Variants in SPANXN1 observed in about 807,000 individuals in gnomAD.
The protein encoded by SPANXN1 is sperm protein associated with the nucleus on the X chromosome N1.
In SPANXN1, 1 loss-of-function variant was observed where a neutral mutation model predicts 2.0. The observed-to-expected ratio is 0.50, with a 90% CI of 0.18 to 2.36. The LOEUF (loss-of-function observed/expected upper bound fraction) is 2.36, where lower values mean the gene tolerates loss of function less well. Ranked by LOEUF, SPANXN1 falls within the 30% of genes most tolerant of loss-of-function variation. The pLI, the probability that SPANXN1 is intolerant of heterozygous loss-of-function variation, is 0.26. For missense variants in SPANXN1, 55 were observed against 51.8 expected (o/e 1.06, Z -0.19); for synonymous variants, 27 against 21.3 (o/e 1.27, Z -0.74).
Position 145,255,697 on chromosome X carries a change from A to C in SPANXN1, c.102A>C (p.Leu34Phe). The C allele has an allele frequency of 8.2e-7, 1 of 1,212,164 alleles. No individual in the cohort carries two copies. The highest frequency in any genetic ancestry group is 1.1e-6 in the Non-Finnish European group (1 of 895,615). Residue 34 changes from leucine (L) to phenylalanine (F), a missense_variant, in exon 2 of 2, where the codon TTA becomes TTC. Coordinates refer to ENST00000370493, the MANE Select transcript of SPANXN1 (RefSeq NM_001009614.3). The part of the protein sequence containing the change: ...DEMQETPNRD[L>F]APEPSLKKMK... ...TGCAGGAGACACCAAACAGGGACTT[A>C]GCCCCCGAACCGAGTTTGAAAAAGA...
At chrX:145,254,127 C>A (rs2070797658) in intron 1 of SPANXN1, among the ~76,000 whole-genome samples, 1 of 100,836 alleles carries the variant, frequency 9.9e-6, no homozygotes, top group Non-Finnish European at 2.0e-5. Context: ...TGGGAGTGGG[C>A]AGGAGGCAGA....
At chrX:145,249,059 T>TG (rs2070774349) in intron 1 of SPANXN1, among the ~76,000 whole-genome samples, 1 of 110,644 alleles carries the variant, frequency 9.0e-6, no homozygotes, top group Admixed American at 9.6e-5. Context: ...TTTAATGGAT[T>TG]GGGGGGAAAG....
intron 1 of SPANXN1, among the ~76,000 whole-genome samples, chrX:145,251,082 T>G (rs1246119022): frequency 1.8e-5 from 2 of 111,928 alleles, no homozygotes; most frequent in African/African-American, 3.3e-5. Context: ...GAGTTTATTT[T>G]CAGCAATGAT....
intron 1 of SPANXN1, among the ~76,000 whole-genome samples, chrX:145,252,034 T>C (rs144553487): frequency 0.022 from 2,430 of 111,127 alleles, 21 homozygotes; most frequent in Middle Eastern, 0.051. Context: ...GAGTGGTGTG[T>C]TGAATGGACA....
chrX:145,254,673 T>C (rs1475637589), intron 1 of SPANXN1, among the ~76,000 whole-genome samples: 2 of 111,855 alleles, frequency 1.8e-5, no homozygotes, highest in Non-Finnish European at 3.8e-5. Flanking sequence ...CACTTGATTG[T>C]TTTTTGGAGA....
intron 1 of SPANXN1, among the ~76,000 whole-genome samples, chrX:145,251,698 GTTTT>G (rs1569479991): frequency 9.0e-6 from 1 of 111,722 alleles, no homozygotes; most frequent in Non-Finnish European, 1.9e-5. Context: ...TTTGGTTTTG[GTTTT>G]TTGTTTTGTT....
rs1192693687 is a variant in SPANXN1 at position 145,255,990 on chromosome X, A to G, written c.*176A>G. 17 of 872,311 alleles carry G rather than the reference A, an allele frequency of 1.9e-5. No homozygotes were observed. The highest frequency in any genetic ancestry group is 2.3e-5 in the Non-Finnish European group (14 of 598,417). The allele number at this position is 872,311 out of a possible 1,213,427, so 71.9% of individuals were successfully genotyped here. On this transcript the variant is annotated 3_prime_UTR_variant, in exon 2 of 2. Transcript: ENST00000370493. ...GAAGGATCTTCAAAGCAGAATGAAG[A>G]CCTAGGCTTACCTGAAGGATCTTCA...
At chrX:145,248,389 G>C (rs1293481500) in intron 1 of SPANXN1, among the ~76,000 whole-genome samples, 1 of 111,380 alleles carries the variant, frequency 9.0e-6, no homozygotes, top group South Asian at 3.8e-4. Context: ...TGTACTATCA[G>C]GAGGAGGAAG....
chrX:145,249,535 A>G (rs1444332586), intron 1 of SPANXN1, among the ~76,000 whole-genome samples: 1 of 111,517 alleles, frequency 9.0e-6, no homozygotes, highest in African/African-American at 3.3e-5. Context: ...GGTGTTCTGG[A>G]TTGGCAAATT....
intron 1 of SPANXN1, among the ~76,000 whole-genome samples, chrX:145,254,439 A>G (rs1401828851): frequency 8.9e-6 from 1 of 111,969 alleles, no homozygotes; most frequent in Non-Finnish European, 1.9e-5. Context: ...CCTGGAAGAG[A>G]GTGAATATCC....
At chrX:145,250,973 G>T (rs1473337143) in intron 1 of SPANXN1, among the ~76,000 whole-genome samples, 1 of 112,084 alleles carries the variant, frequency 8.9e-6, no homozygotes, top group African/African-American at 3.2e-5. Context: ...GGGTGTAAAT[G>T]TTGACCCTCT....
At chrX:145,254,550 G>A (rs1338231771) in intron 1 of SPANXN1, among the ~76,000 whole-genome samples, 3 of 112,253 alleles carry the variant, frequency 2.7e-5, no homozygotes, top group South Asian at 3.7e-4. Context: ...GGGCAGCCCC[G>A]TACTATTCAT....
rs1385197187 is a variant in SPANXN1 at position 145,247,559 on chromosome X, T to A, written c.-28T>A. ...AAGTCTGGAGTCTACAAGAGCCTAC[T>A]ATAGACATTCTACAACCAACCAGAA... On this transcript the variant is annotated 5_prime_UTR_variant, in exon 1 of 2. Transcript: ENST00000370493. 8.4e-7 allele frequency: 1 copy of A among 1,192,063 alleles called. No individual in the cohort carries two copies. The highest frequency in any genetic ancestry group is 1.1e-6 in the Non-Finnish European group (1 of 879,792).
At chrX:145,247,877 A>G (rs1556882014) in intron 1 of SPANXN1, among the ~76,000 whole-genome samples, 2 of 112,641 alleles carry the variant, frequency 1.8e-5, no homozygotes, top group Non-Finnish European at 3.8e-5. Context: ...GGATATTGAT[A>G]AGATGTTTTT....
In SPANXN1 at chrX:145,249,776, C is replaced by A. The variant is rs1274916369; in HGVS notation, c.75+2115C>A. 3.6e-5 allele frequency among the ~76,000 whole-genome samples: 4 copies of A among 110,926 alleles called. No individual in the cohort carries two copies. In the Admixed American group the frequency reaches 3.9e-4, roughly 11 times the overall value. On this transcript the variant is annotated intron_variant, in intron 1 of 1. Transcript: ENST00000370493. ...GAGGAGTCTGTGATTCAGACCCAGT[C>A]CCCTGGTTGTAGGGACAGGGAGGAG...
intron 1 of SPANXN1, among the ~76,000 whole-genome samples, chrX:145,249,742 A>AG (rs1392316230): frequency 1.8e-5 from 2 of 109,910 alleles, no homozygotes; most frequent in South Asian, 4.0e-4. Context: ...TAGGTTGGAG[A>AG]GGGAGGAGGA....
At chrX:145,251,369 T>C (rs1479508593) in intron 1 of SPANXN1, among the ~76,000 whole-genome samples, 1 of 111,507 alleles carries the variant, frequency 9.0e-6, no homozygotes, top group Non-Finnish European at 1.9e-5. Flanking sequence ...ATAGAAGAAA[T>C]TGATGGTTTA....
In SPANXN1 at chrX:145,255,470, C is replaced by G. The variant is rs147888967; in HGVS notation, c.76-201C>G. ...GGCAAAGAACTTACAAAATGGTGCACTTTGGACTAACAGGTGACCCTACCC... is the reference window on the plus strand; with the variant it reads ...GGCAAAGAACTTACAAAATGGTGCAGTTTGGACTAACAGGTGACCCTACCC... On this transcript the variant is annotated intron_variant, in intron 1 of 1. Transcript: ENST00000370493. Among the ~76,000 whole-genome samples the G allele has an allele frequency of 6.2e-3, 686 of 110,978 alleles. 6 individuals are homozygous for G. Among genetic ancestry groups the G allele is most frequent in the African/African-American group, 0.02 (608 of 30,349 alleles).
intron 1 of SPANXN1, among the ~76,000 whole-genome samples, chrX:145,254,186 C>T (rs1263591306): frequency 3.3e-5 from 3 of 91,183 alleles, no homozygotes; most frequent in Non-Finnish European, 4.3e-5. Context: ...AAGGCTTGTC[C>T]GGAGGAGGAG....
Sources: allele counts gnomAD v4.1 joint callset (sites outside exome capture counted in the v4.1 genomes callset), GRCh38; gene constraint gnomAD v4.1.1; transcripts MANE v1.5; gene names NCBI Gene and HGNC (gene_info 2026-07-23, HGNC 2026-07-21).